PDE4B: variants seen among roughly 807,000 people sequenced by gnomAD.
The protein encoded by PDE4B is 3',5'-cyclic-AMP phosphodiesterase 4B.
Under a neutral mutation model 82.2 loss-of-function variants are expected in PDE4B, and 20 were observed. The observed-to-expected ratio is 0.24, with a 90% confidence interval of 0.17 to 0.35. The LOEUF (loss-of-function observed/expected upper bound fraction) is 0.35. Among genes scored for constraint, PDE4B ranks in the 10% least tolerant of loss-of-function variants. PDE4B has a pLI of 1.00. For synonymous variants in PDE4B, 320 were observed against 318.9 expected (o/e 1.00, Z -0.04); for missense variants, 655 against 907.2 (o/e 0.72, Z 3.57).
At chr1:66,133,259 C>A (rs1645989357) in intron 3 of PDE4B, among the ~76,000 whole-genome samples, 1 of 152,074 alleles carries the variant, frequency 6.6e-6, no homozygotes, top group Admixed American at 6.6e-5. Context: ...TTTGTAAGGT[C>A]CAGGTGATCC....
At chr1:66,292,472 A>G (rs1657158799) in intron 7 of PDE4B, among the ~76,000 whole-genome samples, 2 of 152,208 alleles carry the variant, frequency 1.3e-5, no homozygotes, top group Non-Finnish European at 2.9e-5. Context: ...AACAATGGAT[A>G]TAAATCACAG....
chr1:66,015,836 G>C (rs1305891123), intron 3 of PDE4B, among the ~76,000 whole-genome samples: 4 of 152,124 alleles, frequency 2.6e-5, no homozygotes, highest in Non-Finnish European at 5.9e-5. Context: ...GAAGTTGGCA[G>C]GTGTGTAAAG....
intron 1 of PDE4B, among the ~76,000 whole-genome samples, chr1:65,897,628 T>C (rs111461747): frequency 3.5e-3 from 535 of 152,238 alleles, no homozygotes; most frequent in African/African-American, 0.012. Context: ...GATAATGGCC[T>C]CCAGCTGCAC....
intron 3 of PDE4B, among the ~76,000 whole-genome samples, chr1:66,161,687 T>G (rs1221331987): frequency 6.6e-6 from 1 of 152,134 alleles, no homozygotes; most frequent in Non-Finnish European, 1.5e-5. Context: ...CATTTAAAGA[T>G]GAAGACACTG....
At chr1:66,020,094 T>G (rs1229750080) in intron 3 of PDE4B, among the ~76,000 whole-genome samples, 7 of 152,296 alleles carry the variant, frequency 4.6e-5, no homozygotes, top group Admixed American at 4.6e-4. Context: ...CTTTCAAAAG[T>G]TTGCATTACT....
At chr1:65,949,520 G>T (rs1220783657) in intron 3 of PDE4B, among the ~76,000 whole-genome samples, 1 of 152,092 alleles carries the variant, frequency 6.6e-6, no homozygotes, top group Admixed American at 6.6e-5. Context: ...TAACACAGCT[G>T]TATAGCCTAT....
At chr1:66,184,378 A>C (rs943646506) in intron 3 of PDE4B, among the ~76,000 whole-genome samples, 3 of 152,198 alleles carry the variant, frequency 2.0e-5, no homozygotes, top group Non-Finnish European at 2.9e-5. Flanking sequence ...GCCAGCCACT[A>C]TTCCAGAAAT....
chr1:65,877,424 G>A (rs1042568281), intron 1 of PDE4B, among the ~76,000 whole-genome samples: 2 of 151,988 alleles, frequency 1.3e-5, no homozygotes, highest in African/African-American at 4.8e-5. Flanking sequence ...GACCATCCTG[G>A]CTAACACGGT....
chr1:66,105,640 TGAA>T (rs538831342), intron 3 of PDE4B, among the ~76,000 whole-genome samples: 1,844 of 152,268 alleles, frequency 0.012, 41 homozygotes, highest in African/African-American at 0.043. Context: ...TAGTTCTCCT[TGAA>T]GAAGTCCTTC....
chr1:65,886,361 T>C (rs1646776611), intron 1 of PDE4B, among the ~76,000 whole-genome samples: 1 of 152,176 alleles, frequency 6.6e-6, no homozygotes, highest in South Asian at 2.1e-4. Flanking sequence ...CTTGAATATG[T>C]ATTATTTCTA....
chr1:65,914,458 C>CTTA (rs1647133721), intron 2 of PDE4B, among the ~76,000 whole-genome samples: 1 of 143,052 alleles, frequency 7.0e-6, no homozygotes, highest in Non-Finnish European at 1.5e-5. Flanking sequence ...GCATTTACTT[C>CTTA]TTCTTCTTCT....
At chr1:66,041,574 G>A (rs957320003) in intron 3 of PDE4B, among the ~76,000 whole-genome samples, 1 of 151,792 alleles carries the variant, frequency 6.6e-6, no homozygotes, top group African/African-American at 2.4e-5. Flanking sequence ...TTCTTCACTT[G>A]CCTCACTCTA....
intron 3 of PDE4B, among the ~76,000 whole-genome samples, chr1:65,982,787 A>G (rs1463131689): frequency 6.6e-6 from 1 of 152,210 alleles, no homozygotes; most frequent in Non-Finnish European, 1.5e-5. Context: ...TGATTGAACT[A>G]TCTGGCTGGT....
At position 66,317,087 on chromosome 1, in the gene PDE4B, T is replaced by C. The variant is rs764054662; in HGVS notation, c.635-15421T>C. Among the ~76,000 whole-genome samples, 79 of 152,346 alleles carry C rather than the reference T, an allele frequency of 5.2e-4. 1 individual carries two copies. The highest frequency in any genetic ancestry group is 2.6e-4 in the Non-Finnish European group (18 of 68,026). On this transcript the variant is annotated intron_variant, in intron 7 of 16. Coordinates refer to ENST00000341517, the MANE Select transcript of PDE4B (RefSeq NM_002600.4). ...ACCTGAGGCCTAATTTTATATTTCA[T>C]TGGAAGTTCTGAATCTGTCACATAA...
chr1:65,874,650 C>A (rs1179653405), intron 1 of PDE4B, among the ~76,000 whole-genome samples: 3 of 152,040 alleles, frequency 2.0e-5, no homozygotes, highest in Non-Finnish European at 2.9e-5. Flanking sequence ...CGCATACCTA[C>A]AACTATCTGA....
At chr1:66,003,511 A>C (rs1196677014) in intron 3 of PDE4B, among the ~76,000 whole-genome samples, 6 of 152,192 alleles carry the variant, frequency 3.9e-5, no homozygotes, top group Non-Finnish European at 7.4e-5. Flanking sequence ...ATTAAAAGCC[A>C]ATATAGGATT....
chr1:66,069,511 T>G (rs1656042245), intron 3 of PDE4B, among the ~76,000 whole-genome samples: 2 of 152,042 alleles, frequency 1.3e-5, no homozygotes. Flanking sequence ...CAGTTAGTTT[T>G]GCATTATACT....
chr1:66,201,178 G>A (rs1406501037), intron 3 of PDE4B, among the ~76,000 whole-genome samples: 1 of 152,172 alleles, frequency 6.6e-6, no homozygotes, highest in Non-Finnish European at 1.5e-5. Context: ...AGCCAGCCTT[G>A]CATCCCAGGG....
intron 3 of PDE4B, among the ~76,000 whole-genome samples, chr1:66,190,308 C>G (rs1557621601): frequency 6.6e-6 from 1 of 152,216 alleles, no homozygotes; most frequent in Non-Finnish European, 1.5e-5. Flanking sequence ...GGCAGTCTGT[C>G]CATTCTCAGA....
Sources: gnomAD v4.1 joint callset for allele counts (sites outside exome capture counted in the v4.1 genomes callset) on GRCh38, gnomAD v4.1.1 for gene constraint, MANE v1.5 for transcripts, NCBI Gene and HGNC (gene_info 2026-07-23, HGNC 2026-07-21) for gene names.